Variants in TRIM28 observed in about 807,000 individuals in gnomAD.
TRIM28 encodes tripartite motif containing 28.
In TRIM28, 8 loss-of-function variants were observed where a neutral mutation model predicts 87.4. The ratio of observed to expected loss-of-function variants is 0.09; its 90% confidence interval spans 0.05 to 0.17. The LOEUF (loss-of-function observed/expected upper bound fraction) is 0.17, where lower values mean the gene tolerates loss of function less well. Among genes scored for constraint, TRIM28 ranks in the 10% least tolerant of loss-of-function variants. TRIM28 has a pLI of 1.00. For missense variants in TRIM28, 968 were observed against 1,131.8 expected, an observed-to-expected ratio of 0.86 and a Z score of 2.08; for synonymous variants, 601 against 454.3, an observed-to-expected ratio of 1.32 and a Z score of -4.11.
In TRIM28 at chr19:58,549,732, C is replaced by G. The variant is rs149386672; in HGVS notation, c.1983-5C>G. On this transcript the variant is annotated splice_polypyrimidine_tract_variant and splice_region_variant and intron_variant, in intron 13 of 16. Transcript: ENST00000253024. This position sits in a 1 kb window ranked among gnomAD's most constrained non-coding sequence, Gnocchi z 4.4. ...ATGTGCAGACCCTTATTTTCTTCAC[C>G]CTAGGGAGGAGTGGAGCTGCTCACT... 2.5e-4 allele frequency: 408 copies of G among 1,605,800 alleles called. 2 individuals carry two copies. The African/African-American group carries it at 4.6e-3, about 18-fold the overall frequency.
In TRIM28 at chr19:58,549,038, G is replaced by T; in HGVS notation, c.1460G>T (p.Arg487Leu). Residue 487 changes from arginine to leucine, a missense_variant, in exon 12 of 17, where the codon CGA (arginine) becomes CTA (leucine). Coordinates refer to ENST00000253024, the MANE Select transcript of TRIM28 (RefSeq NM_005762.3). The surrounding 1 kb of genome is among the most constrained non-coding windows in gnomAD (Gnocchi z 4.4). ...AGCGGCCTTATGCGCAAGGTGCCAC[G>T]AGTGAGCCTTGAACGCCTGGACCTG... is the stretch of plus-strand genomic sequence containing the variant. The part of the protein sequence containing the change: ...EVSGLMRKVP[R>L]VSLERLDLDL... 6.2e-7 allele frequency: 1 copy of T among 1,614,076 alleles called. No individual in the cohort carries two copies. Among genetic ancestry groups the T allele is most frequent in the Non-Finnish European group, 8.5e-7 (1 of 1,179,990 alleles).
At chr19:58,545,270 G>A in intron 1 of TRIM28, 155 bp from the exon 2 acceptor site, 1 of 875,130 alleles carries the variant, frequency 1.1e-6, no homozygotes, top group Non-Finnish European at 1.8e-6. Context: ...GCTGAGATGG[G>A]ACATCTGACT....
At position 58,544,492 on chromosome 19, in the gene TRIM28, T is replaced by G. The variant is rs1351676347; in HGVS notation, c.-266T>G. 3 of 152,512 alleles carry G rather than the reference T, an allele frequency of 2.0e-5. No individual in the cohort carries two copies. The highest frequency in any genetic ancestry group is 6.9e-3 in the Middle Eastern group (2 of 290). The allele number at this position is 152,512 out of a possible 1,614,324, so 9.4% of individuals were successfully genotyped here. A position where few individuals can be genotyped will look rare whatever the true frequency, so the allele number is the denominator to read the frequency against. ...CGGGCGCGCGGGCGAGCGGTTGTGC[T>G]TGTGCTTGTGGCGCGTGGTGCGGGT... On this transcript the variant is annotated 5_prime_UTR_variant, in exon 1 of 17. Transcript: ENST00000253024.
Position 58,544,686 on chromosome 19 carries a change from C to A in TRIM28, c.-72C>A. On this transcript the variant is annotated 5_prime_UTR_variant, in exon 1 of 17. Coordinates refer to ENST00000253024, the MANE Select transcript of TRIM28 (RefSeq NM_005762.3). ...GCGGCAGCGGCCCAGCAGTTGGCGG[C>A]GAGCGCGTCTGCGCCTGCGCGGCGG... 1 of 671,968 alleles carries A rather than the reference C, an allele frequency of 1.5e-6. No individual in the cohort carries two copies. Among genetic ancestry groups the A allele is most frequent in the Non-Finnish European group, 1.8e-6 (1 of 544,520 alleles). 41.6% of individuals were successfully genotyped at this position (671,968 alleles called of 1,614,324 possible).
chr19:58,550,136 TCTGC>T lies in TRIM28; in HGVS notation c.2194-6_2194-3del. The T allele has an allele frequency of 6.2e-7, 1 of 1,613,868 alleles. No homozygotes were observed. The highest frequency in any genetic ancestry group is 8.5e-7 in the Non-Finnish European group (1 of 1,179,952). ...TGTCTTTGTGTGTGTATGTGTGATC[TCTGC>T]CTGCAGGACCAGCCCGGTGGCACCC... On this transcript the variant is annotated splice_region_variant and splice_polypyrimidine_tract_variant and intron_variant, in intron 15 of 16. Coordinates refer to ENST00000253024, the MANE Select transcript of TRIM28 (RefSeq NM_005762.3).
At chr19:58,545,251 G>C in intron 1 of TRIM28, 154 bp downstream of exon 1, 1 of 913,520 alleles carries the variant, frequency 1.1e-6, no homozygotes, top group Non-Finnish European at 1.6e-6. Flanking sequence ...ACGTGGGTTT[G>C]TGCTGGCCGC....
chr19:58,550,393 A>G lies in TRIM28; in HGVS notation c.2348A>G (p.Gln783Arg), dbSNP rs1018766228. ...TTGGCCCAGGACAAGGCAGACGTGC[A>G]GTCCATCATCGGCCTGCAGCGCTTC... ...NKLTEDKADV[Q>R]SIIGLQRFFE... The change falls in exon 17 of 17, where the codon CAG becomes CGG. Residue 783 changes from glutamine (Q) to arginine (R), a missense_variant. Physicochemically the swap from Gln to Arg is conservative, Grantham distance 43. Coordinates refer to ENST00000253024, the MANE Select transcript of TRIM28 (RefSeq NM_005762.3). The G allele has an allele frequency of 2.5e-6, 4 of 1,613,954 alleles. No individual in the cohort carries two copies. Among genetic ancestry groups the G allele is most frequent in the South Asian group, 1.1e-5 (1 of 91,088 alleles).
In TRIM28 at chr19:58,544,888, C is replaced by T. The variant is rs1288336076; in HGVS notation, c.131C>T (p.Ala44Val). The change falls in exon 1 of 17, where the codon GCC becomes GTC. Residue 44 changes from alanine (A) to valine (V), a missense_variant. Transcript: ENST00000253024. ...TAPSAAASAS[A>V]SAAASSPAGG... is the part of the protein sequence containing the mutation. ...CCTTCGGCCGCAGCCTCGGCCTCTG[C>T]CTCAGCCGCGGCGTCGTCGCCCGCG... 14 of 1,371,214 alleles carry T rather than the reference C, an allele frequency of 1.0e-5. No individual in the cohort carries two copies. Among genetic ancestry groups the T allele is most frequent in the Middle Eastern group, 2.7e-4 (1 of 3,706 alleles). 84.9% of individuals were successfully genotyped at this position (1,371,214 alleles called of 1,614,324 possible). A position where few individuals can be genotyped will look rare whatever the true frequency, so the allele number is the denominator to read the frequency against.
intron 2 of TRIM28, 92 bp from the exon 3 acceptor site, chr19:58,545,672 A>G (rs552225776): frequency 1.9e-5 from 29 of 1,555,540 alleles, no homozygotes; most frequent in Non-Finnish European, 2.3e-5. Flanking sequence ...GGGTCAAGGG[A>G]CCAATCTTAA....
chr19:58,548,947 G>C (rs770106532), intron 11 of TRIM28, 37 bp downstream of exon 11: 1 of 1,614,086 alleles, frequency 6.2e-7, no homozygotes, highest in South Asian at 1.1e-5. Context: ...GAGGTGGATG[G>C]AGGGTGGGGG....
rs1600078301 is a variant in TRIM28, at chr19:58,544,120, G to A, written c.-638G>A. The A allele has an allele frequency of 6.6e-6, 1 of 152,532 alleles. No individual in the cohort carries two copies. The highest frequency in any genetic ancestry group is 1.5e-5 in the Non-Finnish European group (1 of 68,260). 9.4% of individuals were successfully genotyped at this position (152,532 alleles called of 1,614,324 possible). A position where few individuals can be genotyped will look rare whatever the true frequency, so the allele number is the denominator to read the frequency against. ...CGGCGAAGAGACGCGGGTTGAGGAAGAGGGACGGATTGCCCATGCGCTTGG... is the reference window on the plus strand; with the variant it reads ...CGGCGAAGAGACGCGGGTTGAGGAAAAGGGACGGATTGCCCATGCGCTTGG... On this transcript the variant is annotated 5_prime_UTR_variant, in exon 1 of 17. Transcript: ENST00000253024.
Position 58,545,084 on chromosome 19 carries a change from G to T in TRIM28, c.327G>T (p.Ala109=). The change falls in exon 1 of 17, where the codon GCG becomes GCT. Residue 109 remains alanine, a synonymous_variant. Transcript: ENST00000253024. ...AANSSGDGGA[A]GDGTVVDCPV... ...ACAGCTCGGGGGACGGCGGGGCGGC[G>T]GGCGACGGCACCGGTAAGTACGAAG... The T allele has an allele frequency of 7.0e-7, 1 of 1,433,078 alleles. No individual in the cohort carries two copies. Among genetic ancestry groups the T allele is most frequent in the South Asian group, 1.5e-5 (1 of 67,950 alleles). 88.8% of individuals were successfully genotyped at this position (1,433,078 alleles called of 1,614,324 possible).
rs189187381 is a variant in TRIM28, at chr19:58,548,696, G to C, written c.1324-44G>C. On this transcript the variant is annotated intron_variant, in intron 9 of 16. Coordinates refer to ENST00000253024, the MANE Select transcript of TRIM28 (RefSeq NM_005762.3). ...GGTGGGCAGGGAATGGGGTCCAGTAGGGTTCCTGTCCCACTGAGGCAGAGG... is the reference window on the plus strand; with the variant it reads ...GGTGGGCAGGGAATGGGGTCCAGTACGGTTCCTGTCCCACTGAGGCAGAGG... The C allele has an allele frequency of 6.2e-6, 10 of 1,611,936 alleles. No homozygotes were observed. In the East Asian group the frequency reaches 2.0e-4, roughly 32 times the overall value.
chr19:58,547,372 C>A lies in TRIM28; in HGVS notation c.587-4C>A. ...GGTCCAGCCTTATGATTCCCACTCC[C>A]CAGGGCCAGCCAAGTCTCGGGATGG... On this transcript the variant is annotated splice_polypyrimidine_tract_variant and splice_region_variant and intron_variant, in intron 3 of 16. Transcript: ENST00000253024. The A allele has an allele frequency of 6.2e-7, 1 of 1,613,410 alleles. No individual in the cohort carries two copies. Among genetic ancestry groups the A allele is most frequent in the South Asian group, 1.1e-5 (1 of 91,074 alleles).
chr19:58,547,279 T>G, intron 3 of TRIM28, 97 bp from the exon 4 acceptor site: 2 of 1,506,048 alleles, frequency 1.3e-6, no homozygotes, highest in Non-Finnish European at 1.8e-6. Flanking sequence ...TGGCCCAGTG[T>G]CACAGAACAG....
rs1340322028 is a variant in TRIM28 at position 58,549,029 on chromosome 19, A to G, written c.1451A>G (p.Lys484Arg). Reference protein sequence around the residue: ...GEGEVSGLMRKVPRVSLERLD... With the variant: ...GEGEVSGLMRRVPRVSLERLD... ...GGCGAGGTGAGCGGCCTTATGCGCA[A>G]GGTGCCACGAGTGAGCCTTGAACGC... The change falls in exon 12 of 17, where the codon AAG (lysine) becomes AGG (arginine). Residue 484 changes from lysine (K) to arginine (R), a missense_variant. Transcript: ENST00000253024. The surrounding 1 kb of genome is among the most constrained non-coding windows in gnomAD (Gnocchi z 4.4). 1.9e-6 allele frequency: 3 copies of G among 1,614,072 alleles called. No individual in the cohort carries two copies. Among genetic ancestry groups the G allele is most frequent in the African/African-American group, 1.3e-5 (1 of 75,022 alleles).
Position 58,544,267 on chromosome 19 carries a change from C to T in TRIM28, c.-491C>T, listed in dbSNP as rs1043323924. The stretch of plus-strand genomic sequence containing the variant: ...CGGCAGTGACGTCACAGAGGCCCCG[C>T]CCCGCCCCCACAAGAGCCCCACCGA... On this transcript the variant is annotated 5_prime_UTR_variant, in exon 1 of 17. Transcript: ENST00000253024. 4.6e-5 allele frequency: 7 copies of T among 152,496 alleles called. No individual in the cohort carries two copies. Among genetic ancestry groups the T allele is most frequent in the African/African-American group, 1.7e-4 (7 of 41,516 alleles). 9.4% of individuals were successfully genotyped at this position (152,496 alleles called of 1,614,324 possible).
chr19:58,546,996 G>T (rs2053766712), intron 3 of TRIM28: 1 of 182,762 alleles, frequency 5.5e-6, no homozygotes, highest in Non-Finnish European at 1.1e-5. Flanking sequence ...ATCCAGGGTG[G>T]TGTGTAGGCA....
In TRIM28 at chr19:58,550,304, A is replaced by T; in HGVS notation, c.2331+20A>T. On this transcript the variant is annotated intron_variant, in intron 16 of 16. Transcript: ENST00000253024. ...ACTGAGGTGAGCCAGTGGAATGGAG[A>T]GGCTGTGGGCAGGGGGAGATGTGAA... 1 of 1,613,920 alleles carries T rather than the reference A, an allele frequency of 6.2e-7. No homozygotes were observed.
Sources: gnomAD v4.1 joint callset for allele counts on GRCh38, gnomAD v4.1.1 for gene constraint, Gnocchi (gnomAD v3.1) non-coding constraint, MANE v1.5 for transcripts, NCBI Gene and HGNC (gene_info 2026-07-23, HGNC 2026-07-21) for gene names.